Variants in CPE observed in about 807,000 individuals in gnomAD.
CPE encodes the protein carboxypeptidase E.
CPE carries 17 observed loss-of-function variants against 53.5 expected under a neutral mutation model. The ratio of observed to expected loss-of-function variants is 0.32; its 90% CI spans 0.22 to 0.48. CPE has a LOEUF of 0.48. Among genes scored for constraint, CPE ranks in the 20% least tolerant of loss-of-function variants. The pLI, the probability that CPE is intolerant of heterozygous loss-of-function variation, is 0.99. For missense variants in CPE, 524 were observed against 614.7 expected (o/e 0.85, Z 1.56); for synonymous variants, 226 against 228.8 (o/e 0.99, Z 0.11).
At chr4:165,418,846 T>A (rs2126672361) in intron 1 of CPE, among the ~76,000 whole-genome samples, 1 of 152,284 alleles carries the variant, frequency 6.6e-6, no homozygotes, top group East Asian at 1.9e-4. Flanking sequence ...AAGCAAAGAA[T>A]TTTAATTTGA....
intron 1 of CPE, among the ~76,000 whole-genome samples, chr4:165,394,574 G>A (rs1730734167): frequency 6.6e-6 from 1 of 151,974 alleles, no homozygotes. Context: ...AATGGGTGAG[G>A]TTTCCTGTTA....
intron 1 of CPE, among the ~76,000 whole-genome samples, chr4:165,456,284 G>C (rs1453305615): frequency 1.3e-5 from 2 of 152,064 alleles, no homozygotes; most frequent in Non-Finnish European, 2.9e-5. Flanking sequence ...ATACTCTCGT[G>C]AGTCAGTAAC....
At chr4:165,389,066 T>C (rs999543881) in intron 1 of CPE, among the ~76,000 whole-genome samples, 22 of 152,142 alleles carry the variant, frequency 1.4e-4, no homozygotes, top group African/African-American at 5.1e-4. Flanking sequence ...ACATGTATTT[T>C]CTCAAGAGTC....
intron 1 of CPE, chr4:165,405,284 T>A: frequency 1.9e-6 from 2 of 1,067,338 alleles, no homozygotes; most frequent in Non-Finnish European, 2.9e-6. Context: ...ATGCTTAACA[T>A]CCTTCTGTGG....
chr4:165,426,022 C>T (rs576569308), intron 1 of CPE, among the ~76,000 whole-genome samples: 3 of 152,134 alleles, frequency 2.0e-5, no homozygotes, highest in Non-Finnish European at 2.9e-5. Context: ...TTCTGTATTG[C>T]TCTCTCTGTT....
chr4:165,467,993 T>G, intron 3 of CPE, 138 bp downstream of exon 3: 1 of 957,880 alleles, frequency 1.0e-6, no homozygotes, highest in Non-Finnish European at 1.5e-6. Flanking sequence ...AAGTCAAGGC[T>G]GGAAGGGCTG....
intron 1 of CPE, among the ~76,000 whole-genome samples, chr4:165,439,794 G>A (rs943100345): frequency 3.3e-5 from 5 of 152,004 alleles, no homozygotes; most frequent in African/African-American, 1.2e-4. Flanking sequence ...TTGGAAGAGG[G>A]GAGCAGTTTA....
chr4:165,417,995 G>A (rs534819306), intron 1 of CPE, among the ~76,000 whole-genome samples: 2 of 152,176 alleles, frequency 1.3e-5, no homozygotes, highest in South Asian at 2.1e-4. Flanking sequence ...AATTCATGTC[G>A]TACTCTTGGA....
chr4:165,449,112 C>T (rs1377817432), intron 1 of CPE, among the ~76,000 whole-genome samples: 1 of 152,176 alleles, frequency 6.6e-6, no homozygotes, highest in Non-Finnish European at 1.5e-5. Flanking sequence ...AAGTCCCCAC[C>T]ACAGGGTAAG....
At chr4:165,422,752 T>C (rs9759580) in intron 1 of CPE, among the ~76,000 whole-genome samples, 44,813 of 151,506 alleles carry the variant, frequency 0.3, 6,716 homozygotes, top group Middle Eastern at 0.39. Context: ...CCGAGGCGGG[T>C]GGATCACAAG....
chr4:165,442,680 C>CG (rs751159371), intron 1 of CPE, among the ~76,000 whole-genome samples: 1 of 152,096 alleles, frequency 6.6e-6, no homozygotes, highest in African/African-American at 2.4e-5. Flanking sequence ...TGTTATTTCC[C>CG]GGGACAGTAC....
rs773083460 is a variant in CPE, at chr4:165,484,594, C to T, written c.963C>T (p.Ser321=). 3.4e-5 allele frequency: 55 copies of T among 1,613,160 alleles called. No individual in the cohort carries two copies. The highest frequency in any genetic ancestry group is 8.3e-5 in the Admixed American group (5 of 59,944). ...CCACCAACGGTGGTGCTTGGTACAG[C>T]GTACCTGGAGGTGAGTTTCCATTGT... is the stretch of plus-strand genomic sequence containing the variant. ...DGTTNGGAWY[S]VPGGMQDFNY... The change falls in exon 5 of 9, where the codon AGC becomes AGT. Residue 321 remains serine, a synonymous_variant. Coordinates refer to ENST00000402744, the MANE Select transcript of CPE (RefSeq NM_001873.4).
At chr4:165,448,211 C>T (rs1377341795) in intron 1 of CPE, among the ~76,000 whole-genome samples, 2 of 152,258 alleles carry the variant, frequency 1.3e-5, no homozygotes. Flanking sequence ...ATGAACTTTT[C>T]AAAAATAAAA....
At chr4:165,491,914 AGCCC>A (rs1162023815) in intron 6 of CPE, among the ~76,000 whole-genome samples, 1 of 152,204 alleles carries the variant, frequency 6.6e-6, no homozygotes, top group African/African-American at 2.4e-5. Context: ...TATTTTCTAT[AGCCC>A]GATTGAGTGA....
chr4:165,391,253 A>C (rs570489846), intron 1 of CPE, among the ~76,000 whole-genome samples: 2 of 152,260 alleles, frequency 1.3e-5, no homozygotes, highest in South Asian at 4.1e-4. Flanking sequence ...TGCATTTCTT[A>C]AATGAATGTA....
chr4:165,468,181 T>C (rs1444630235), intron 3 of CPE, among the ~76,000 whole-genome samples: 3 of 152,194 alleles, frequency 2.0e-5, no homozygotes, highest in African/African-American at 7.2e-5. Context: ...GTTGCTCCTT[T>C]TCTCTTTTCC....
At chr4:165,494,021 A>G (rs866867143) in intron 7 of CPE, among the ~76,000 whole-genome samples, 17 of 152,168 alleles carry the variant, frequency 1.1e-4, no homozygotes, top group South Asian at 2.1e-4. Flanking sequence ...CCTTTAACTT[A>G]TGTCCCAAAC....
At chr4:165,427,099 T>TA (rs1479625166) in intron 1 of CPE, among the ~76,000 whole-genome samples, 1 of 152,190 alleles carries the variant, frequency 6.6e-6, no homozygotes, top group African/African-American at 2.4e-5. Context: ...GTGCATGTGT[T>TA]AGAGGACGGA....
chr4:165,487,504 A>C lies in CPE; in HGVS notation c.1040A>C (p.Lys347Thr), dbSNP rs147233167. 6.2e-7 allele frequency: 1 copy of C among 1,614,140 alleles called. No individual in the cohort carries two copies. The change falls in exon 6 of 9, where the codon AAG (lysine) becomes ACG (threonine). Residue 347 changes from lysine to threonine, a missense_variant. Physicochemically the swap from Lys to Thr is moderately conservative, Grantham distance 78. Transcript: ENST00000402744. ...FEITVELSCE[K>T]FPPEETLKTY... ...ATCACCGTGGAGCTTAGCTGTGAGA[A>C]GTTCCCACCTGAAGAGACTCTGAAG... is the stretch of plus-strand genomic sequence containing the variant.
Sources: gnomAD v4.1 joint callset for allele counts (sites outside exome capture counted in the v4.1 genomes callset) on GRCh38, gnomAD v4.1.1 for gene constraint, MANE v1.5 for transcripts, NCBI Gene and HGNC (gene_info 2026-07-23, HGNC 2026-07-21) for gene names.